Variants in SERPINI1 observed in about 807,000 individuals in gnomAD.
SERPINI1 encodes the protein neuroserpin.
A neutral mutation model predicts 41.1 loss-of-function variants in SERPINI1; 19 were observed. The ratio of observed to expected loss-of-function variants is 0.46; its 90% CI spans 0.32 to 0.68. The LOEUF (loss-of-function observed/expected upper bound fraction) is 0.68, where lower values mean the gene tolerates loss of function less well. SERPINI1 is among the 30% of genes least tolerant of loss of function. The pLI is 0.03. For missense variants in SERPINI1, 460 were observed against 479.2 expected, an observed-to-expected ratio of 0.96 and a Z score of 0.37; for synonymous variants, 138 against 156.6, an observed-to-expected ratio of 0.88 and a Z score of 0.89.
intron 1 of SERPINI1, among the ~76,000 whole-genome samples, chr3:167,769,704 T>A (rs1375243985): frequency 6.6e-6 from 1 of 152,196 alleles, no homozygotes; most frequent in East Asian, 1.9e-4. Context: ...AGTGTGACCC[T>A]TAATATTTTT....
chr3:167,767,670 C>G (rs773850327), intron 1 of SERPINI1, among the ~76,000 whole-genome samples: 1 of 151,854 alleles, frequency 6.6e-6, no homozygotes, highest in African/African-American at 2.4e-5. Context: ...TTTTGATTCA[C>G]GGGAGAAAGT....
At chr3:167,748,223 C>CA (rs1725926968) in intron 1 of SERPINI1, among the ~76,000 whole-genome samples, 1 of 151,632 alleles carries the variant, frequency 6.6e-6, no homozygotes, top group South Asian at 2.1e-4. Flanking sequence ...AAAAAAAAGT[C>CA]AAACTATTTA....
chr3:167,812,598 A>G (rs1016862798), intron 6 of SERPINI1, among the ~76,000 whole-genome samples: 1 of 152,216 alleles, frequency 6.6e-6, no homozygotes, highest in Admixed American at 6.5e-5. Context: ...TGTGTCTAAT[A>G]TTCCCTGCCA....
At chr3:167,772,864 C>CTCTATA (rs1374013676) in intron 1 of SERPINI1, among the ~76,000 whole-genome samples, 11 of 24,652 alleles carry the variant, frequency 4.5e-4, no homozygotes, top group South Asian at 2.6e-3. Context: ...CTCTCTCTCT[C>CTCTATA]TATATATATA....
chr3:167,789,008 C>A, intron 1 of SERPINI1, 103 bp from the exon 2 acceptor site: 1 of 1,077,678 alleles, frequency 9.3e-7, no homozygotes, highest in Non-Finnish European at 1.4e-6. Context: ...GTTCATTTAA[C>A]TGTTAATTGA....
At chr3:167,788,969 A>G (rs1461694013) in intron 1 of SERPINI1, 142 bp from the exon 2 acceptor site, 1 of 756,262 alleles carries the variant, frequency 1.3e-6, no homozygotes, top group Non-Finnish European at 2.1e-6. Flanking sequence ...TGTTCCTGGG[A>G]GAATCCTCAG....
intron 1 of SERPINI1, among the ~76,000 whole-genome samples, chr3:167,745,929 G>T (rs1356582285): frequency 6.6e-6 from 1 of 152,118 alleles, no homozygotes; most frequent in Non-Finnish European, 1.5e-5. Flanking sequence ...TAAGTAAATT[G>T]AAAAGTATCT....
At chr3:167,755,543 C>A (rs958238982) in intron 1 of SERPINI1, among the ~76,000 whole-genome samples, 12 of 152,056 alleles carry the variant, frequency 7.9e-5, no homozygotes, top group African/African-American at 2.9e-4. Flanking sequence ...GAGAGGAAAC[C>A]ATAAGAAGGC....
chr3:167,768,835 A>G (rs181096014), intron 1 of SERPINI1, among the ~76,000 whole-genome samples: 106 of 152,308 alleles, frequency 7.0e-4, no homozygotes, highest in Non-Finnish European at 6.8e-4. Flanking sequence ...CCGCATAGGA[A>G]ATATGCTTAT....
chr3:167,737,970 C>T (rs939707376), intron 1 of SERPINI1, among the ~76,000 whole-genome samples: 2 of 151,928 alleles, frequency 1.3e-5, no homozygotes, highest in South Asian at 2.1e-4. Flanking sequence ...GAAAAAAGAC[C>T]ATGTTTTTAT....
chr3:167,737,283 TAGAA>T (rs2108526795), intron 1 of SERPINI1, among the ~76,000 whole-genome samples: 1 of 152,214 alleles, frequency 6.6e-6, no homozygotes, highest in African/African-American at 2.4e-5. Context: ...AGATAGATCA[TAGAA>T]AAACAGCTGC....
At chr3:167,748,055 A>G (rs977386312) in intron 1 of SERPINI1, among the ~76,000 whole-genome samples, 2 of 151,970 alleles carry the variant, frequency 1.3e-5, no homozygotes, top group Non-Finnish European at 1.5e-5. Context: ...CTTATTTTTC[A>G]CTCAGAAAAT....
At chr3:167,751,464 A>T (rs1196040226) in intron 1 of SERPINI1, among the ~76,000 whole-genome samples, 2 of 152,228 alleles carry the variant, frequency 1.3e-5, no homozygotes, top group Non-Finnish European at 2.9e-5. Context: ...CTATAAGCAA[A>T]GATTAAATTA....
At chr3:167,768,856 C>G (rs555335672) in intron 1 of SERPINI1, among the ~76,000 whole-genome samples, 12 of 152,312 alleles carry the variant, frequency 7.9e-5, no homozygotes, top group African/African-American at 2.6e-4. Context: ...GGTAAAGGTC[C>G]TAGACTTTAA....
intron 5 of SERPINI1, among the ~76,000 whole-genome samples, chr3:167,797,819 C>G (rs1307339542): frequency 6.6e-6 from 1 of 151,086 alleles, no homozygotes; most frequent in East Asian, 2.0e-4. Flanking sequence ...GAACAATTTA[C>G]TTTTGAACAT....
rs931428750 is a variant in SERPINI1, at chr3:167,807,071, A to T, written c.882-173A>T. Among the ~76,000 whole-genome samples the T allele has an allele frequency of 1.1e-4, 17 of 152,096 alleles. 1 individual carries two copies. The highest frequency in any genetic ancestry group is 1.1e-3 in the Admixed American group (17 of 15,266). ...CTATTTTGTTATGTCAATCTCTTTG[A>T]TGCCACCTATTTTTCCATGTTCAAT... On this transcript the variant is annotated intron_variant, in intron 5 of 8. Coordinates refer to ENST00000446050, the MANE Select transcript of SERPINI1 (RefSeq NM_001122752.2).
intron 5 of SERPINI1, among the ~76,000 whole-genome samples, chr3:167,799,483 A>T (rs1727830681): frequency 6.6e-6 from 1 of 152,210 alleles, no homozygotes; most frequent in Non-Finnish European, 1.5e-5. Context: ...TGCTATTGTG[A>T]ATAGTGCTGC....
chr3:167,800,512 A>T (rs1727864935), intron 5 of SERPINI1, among the ~76,000 whole-genome samples: 1 of 152,078 alleles, frequency 6.6e-6, no homozygotes, highest in Non-Finnish European at 1.5e-5. Context: ...GTCTTTACTG[A>T]TATAGCTTAG....
intron 6 of SERPINI1, among the ~76,000 whole-genome samples, chr3:167,822,610 A>G (rs1293846217): frequency 6.6e-6 from 1 of 152,054 alleles, no homozygotes; most frequent in Non-Finnish European, 1.5e-5. Context: ...GCTGTTTCTG[A>G]ATTTTTACTT....
Sources: allele counts gnomAD v4.1 joint callset (sites outside exome capture counted in the v4.1 genomes callset), GRCh38; gene constraint gnomAD v4.1.1; transcripts MANE v1.5; gene names NCBI Gene and HGNC (gene_info 2026-07-23, HGNC 2026-07-21).